PLEKHA7: variants seen among roughly 807,000 people sequenced by gnomAD.
PLEKHA7 encodes the protein pleckstrin homology domain-containing family A member 7.
In PLEKHA7, 104 loss-of-function variants were observed where a neutral mutation model predicts 170.0. That is an observed-to-expected ratio of 0.61 (90% CI 0.52 to 0.72). PLEKHA7 has a LOEUF of 0.72. Ranked by LOEUF, PLEKHA7 falls within the 30% of genes least tolerant of loss-of-function variation. PLEKHA7 has a pLI of 0.00. For synonymous variants in PLEKHA7, 648 were observed against 660.8 expected (o/e 0.98, Z 0.30); for missense variants, 1,615 against 1,671.7 (o/e 0.97, Z 0.59).
intron 3 of PLEKHA7, among the ~76,000 whole-genome samples, chr11:16,979,612 A>G (rs1349775163): frequency 6.6e-6 from 1 of 151,946 alleles, no homozygotes; most frequent in Non-Finnish European, 1.5e-5. Context: ...TTTTTCCTCC[A>G]ACCCTTTCTA....
At chr11:16,936,428 C>CAAAAAA (rs1554976429) in intron 3 of PLEKHA7, among the ~76,000 whole-genome samples, 1 of 66,634 alleles carries the variant, frequency 1.5e-5, no homozygotes, top group African/African-American at 5.1e-5. Flanking sequence ...AAAAAAAAAT[C>CAAAAAA]AGGTCTCTAT....
At chr11:16,786,118 A>G in intron 24 of PLEKHA7, 111 bp downstream of exon 24, 1 of 1,297,756 alleles carries the variant, frequency 7.7e-7, no homozygotes, top group Non-Finnish European at 1.0e-6. Flanking sequence ...GCCACACTGA[A>G]GCTGAGCCAT....
At chr11:16,822,263 T>C (rs141667738) in intron 10 of PLEKHA7, among the ~76,000 whole-genome samples, 10 of 152,290 alleles carry the variant, frequency 6.6e-5, no homozygotes, top group African/African-American at 2.4e-4. Flanking sequence ...AGTTTCTCAC[T>C]GGCCATGCCG....
chr11:16,779,554 A>G (rs1454901615), intron 26 of PLEKHA7, among the ~76,000 whole-genome samples: 1 of 152,078 alleles, frequency 6.6e-6, no homozygotes, highest in African/African-American at 2.4e-5. Context: ...AGAAAGCCAC[A>G]CCCTCAAATG....
At chr11:16,858,841 C>A (rs1286355966) in intron 4 of PLEKHA7, among the ~76,000 whole-genome samples, 1 of 152,162 alleles carries the variant, frequency 6.6e-6, no homozygotes, top group African/African-American at 2.4e-5. Flanking sequence ...AAGCACCTTA[C>A]AATCTTGACA....
rs115079777 is a variant in PLEKHA7, at chr11:16,778,963, T to G, written c.*35A>C. On this transcript the variant is annotated 3_prime_UTR_variant, in exon 27 of 27. Transcript: ENST00000531066. The stretch of plus-strand genomic sequence containing the variant: ...TCTCCTTGGAGGAAGCTGGTTCCAC[T>G]GGGCCCCTGGCTCCAGGCTTCTTTG... 1.4e-5 allele frequency: 10 copies of G among 702,610 alleles called. No individual in the cohort carries two copies. In the African/African-American group the frequency reaches 1.7e-4, roughly 12 times the overall value. The allele number at this position is 702,610 out of a possible 1,614,324, so 43.5% of individuals were successfully genotyped here. A position where few individuals can be genotyped will look rare whatever the true frequency, so the allele number is the denominator to read the frequency against.
chr11:16,783,581 A>G (rs1849198807), intron 25 of PLEKHA7, 119 bp downstream of exon 25: 3 of 1,137,782 alleles, frequency 2.6e-6, no homozygotes, highest in South Asian at 4.9e-5. Context: ...AGTAGGGCTT[A>G]CCTGAGACGA....
chr11:16,938,446 T>C (rs910447081), intron 3 of PLEKHA7, among the ~76,000 whole-genome samples: 3 of 152,184 alleles, frequency 2.0e-5, no homozygotes, highest in African/African-American at 7.2e-5. Context: ...GGTCTATTAA[T>C]ACATTTAGTG....
At position 16,908,673 on chromosome 11, in the gene PLEKHA7, T is replaced by C. The variant is rs188914710; in HGVS notation, c.222-37491A>G. ...ACCATGCCCAGGTAATTTTTGTATT[T>C]TTAGTAGAGATGGTGTTTCACCACG... On this transcript the variant is annotated intron_variant, in intron 3 of 26. Coordinates refer to ENST00000531066, the MANE Select transcript of PLEKHA7 (RefSeq NM_001329630.2). Among the ~76,000 whole-genome samples the C allele has an allele frequency of 4.0e-3, 611 of 152,178 alleles. 2 individuals are homozygous for C. Among genetic ancestry groups the C allele is most frequent in the Non-Finnish European group, 5.7e-3 (390 of 67,994 alleles).
chr11:16,779,145 G>C (rs897411294), intron 26 of PLEKHA7, 125 bp from the exon 27 acceptor site: 1 of 683,444 alleles, frequency 1.5e-6, no homozygotes, highest in Non-Finnish European at 2.7e-6. Context: ...CTGGCAATGC[G>C]GCCGCTGCTG....
intron 3 of PLEKHA7, among the ~76,000 whole-genome samples, chr11:16,900,920 A>G (rs950484650): frequency 6.6e-6 from 1 of 150,518 alleles, no homozygotes; most frequent in African/African-American, 2.5e-5. Context: ...ATCTCAGCTC[A>G]TTGTAACCTC....
intron 3 of PLEKHA7, among the ~76,000 whole-genome samples, chr11:16,873,825 T>A (rs1201683806): frequency 1.3e-5 from 2 of 152,054 alleles, no homozygotes; most frequent in African/African-American, 4.8e-5. Flanking sequence ...TGCCACCACA[T>A]TTGACTAACT....
chr11:16,893,114 G>C (rs1856778542), intron 3 of PLEKHA7, among the ~76,000 whole-genome samples: 1 of 152,142 alleles, frequency 6.6e-6, no homozygotes, highest in African/African-American at 2.4e-5. Context: ...TGTAATATTT[G>C]CATGTATTAT....
chr11:16,901,274 C>T (rs1010061729), intron 3 of PLEKHA7, among the ~76,000 whole-genome samples: 11 of 152,134 alleles, frequency 7.2e-5, no homozygotes, highest in African/African-American at 2.4e-4. Context: ...AAGCAGAGAG[C>T]TGAAGAAAAA....
Position 16,783,812 on chromosome 11 carries a change from ACAC to A in PLEKHA7, c.3535_3537del (p.Val1179del), listed in dbSNP as rs1849222314. On this transcript the variant is annotated inframe_deletion, in exon 25 of 27. Transcript: ENST00000531066. Reference sequence around the variant, plus strand: ...AGCTCCACGTAGCGCTCAGGGATTGACACCTTCTCTGGTTTGGACAGCTGGGGA... The same window carrying A: ...AGCTCCACGTAGCGCTCAGGGATTGACTTCTCTGGTTTGGACAGCTGGGGA... 2.7e-6 allele frequency: 4 copies of A among 1,504,324 alleles called. No homozygotes were observed. Among genetic ancestry groups the A allele is most frequent in the East Asian group, 2.6e-5 (1 of 38,036 alleles). The allele number at this position is 1,504,324 out of a possible 1,614,324, so 93.2% of individuals were successfully genotyped here.
In PLEKHA7 at chr11:16,809,509, C is replaced by G. The variant is rs1409032866; in HGVS notation, c.2007+3604G>C. On this transcript the variant is annotated intron_variant, in intron 13 of 26. Transcript: ENST00000531066. ...GGGGGACCTCTCATAAGCAGCTGGT[C>G]CCAGAGGGGCTGTGCTTATCTCCAT... 2.0e-5 allele frequency among the ~76,000 whole-genome samples: 3 copies of G among 152,182 alleles called. No individual in the cohort carries two copies. The East Asian group carries it at 5.8e-4, about 29-fold the overall frequency.
intron 10 of PLEKHA7, among the ~76,000 whole-genome samples, chr11:16,818,471 G>A (rs568356150): frequency 6.6e-6 from 1 of 152,150 alleles, no homozygotes; most frequent in Non-Finnish European, 1.5e-5. Context: ...CATTCTCTAG[G>A]ATGCTGGCTC....
intron 4 of PLEKHA7, among the ~76,000 whole-genome samples, chr11:16,858,712 G>A (rs967081302): frequency 3.9e-5 from 6 of 151,916 alleles, no homozygotes; most frequent in Admixed American, 6.6e-5. Flanking sequence ...GGCTGGTCTC[G>A]AACTCCTGAC....
chr11:16,874,378 G>A (rs117231644), intron 3 of PLEKHA7, among the ~76,000 whole-genome samples: 1,586 of 152,144 alleles, frequency 0.01, 11 homozygotes, highest in Non-Finnish European at 0.015. Context: ...ATGCTGTCAC[G>A]CACCTGTAGT....
Sources: allele counts gnomAD v4.1 joint callset (sites outside exome capture counted in the v4.1 genomes callset), GRCh38; gene constraint gnomAD v4.1.1; transcripts MANE v1.5; gene names NCBI Gene and HGNC (gene_info 2026-07-23, HGNC 2026-07-21).